RBPJ: variants seen among roughly 807,000 people sequenced by gnomAD.
RBPJ encodes recombining binding protein suppressor of hairless.
RBPJ carries 9 observed loss-of-function variants against 67.8 expected under a neutral mutation model. The ratio of observed to expected loss-of-function variants is 0.13; its 90% CI spans 0.08 to 0.23. The LOEUF (loss-of-function observed/expected upper bound fraction) is 0.23, where lower values mean the gene tolerates loss of function less well. Ranked by LOEUF, RBPJ falls within the 10% of genes least tolerant of loss-of-function variation. The pLI, the probability that RBPJ is intolerant of heterozygous loss-of-function variation, is 1.00. For missense variants in RBPJ, 305 were observed against 595.6 expected, an observed-to-expected ratio of 0.51 and a Z score of 5.08; for synonymous variants, 198 against 203.3, an observed-to-expected ratio of 0.97 and a Z score of 0.22.
intron 1 of RBPJ, among the ~76,000 whole-genome samples, chr4:26,281,273 T>G (rs1403805398): frequency 6.6e-6 from 1 of 152,140 alleles, no homozygotes; most frequent in Non-Finnish European, 1.5e-5. Flanking sequence ...CTGCAGTTTT[T>G]TTGTTTGTTT....
At chr4:26,125,912 T>A in the RBPJ span, among the ~76,000 whole-genome samples, 1 of 152,106 alleles carries the variant, frequency 6.6e-6, no homozygotes, top group Non-Finnish European at 1.5e-5. Context: ...AGAGGCAGCA[T>A]AACAGCTCCT....
chr4:26,326,919 T>C (rs570690393), intron 1 of RBPJ, among the ~76,000 whole-genome samples: 1 of 152,312 alleles, frequency 6.6e-6, no homozygotes, highest in South Asian at 2.1e-4. Context: ...CCTTGAAATA[T>C]GTGCTTTGGC....
chr4:26,407,209 G>A (rs572049246), intron 3 of RBPJ, among the ~76,000 whole-genome samples: 1 of 152,278 alleles, frequency 6.6e-6, no homozygotes, highest in African/African-American at 2.4e-5. Context: ...GTTTTGCAAA[G>A]GAAAAGGCTG....
At chr4:26,187,180 C>T (rs536335456) in intron 1 of RBPJ, among the ~76,000 whole-genome samples, 103 of 152,208 alleles carry the variant, frequency 6.8e-4, no homozygotes, top group Non-Finnish European at 1.2e-3. Flanking sequence ...CATGACTGCG[C>T]TACTGCATTC....
intron 1 of RBPJ, among the ~76,000 whole-genome samples, chr4:26,275,182 T>C (rs1256336200): frequency 6.6e-6 from 1 of 152,188 alleles, no homozygotes; most frequent in African/African-American, 2.4e-5. Flanking sequence ...AGAGGGAAAG[T>C]GAGAGACGGC....
chr4:26,196,255 G>A (rs1717757524), intron 1 of RBPJ, among the ~76,000 whole-genome samples: 1 of 152,170 alleles, frequency 6.6e-6, no homozygotes, highest in Non-Finnish European at 1.5e-5. Flanking sequence ...GTAAGAAAAA[G>A]GAATGAAGTA....
the RBPJ span, among the ~76,000 whole-genome samples, chr4:26,157,098 C>CAAAA: frequency 1.1e-4 from 3 of 26,352 alleles, no homozygotes; most frequent in African/African-American, 2.4e-4. Flanking sequence ...AACAAACAAA[C>CAAAA]AAAAACAAAC....
At chr4:26,382,018 C>T (rs1356709732) in intron 1 of RBPJ, among the ~76,000 whole-genome samples, 1 of 151,982 alleles carries the variant, frequency 6.6e-6, no homozygotes, top group Non-Finnish European at 1.5e-5. Context: ...GTTAAAAGGG[C>T]CCCTAGACAC....
chr4:26,275,091 C>T (rs1413360942), intron 1 of RBPJ, among the ~76,000 whole-genome samples: 1 of 152,096 alleles, frequency 6.6e-6, no homozygotes, highest in Admixed American at 6.5e-5. Context: ...TTGTAATAGA[C>T]TAGTGAGATG....
intron 1 of RBPJ, among the ~76,000 whole-genome samples, chr4:26,226,517 A>T (rs1719080876): frequency 6.6e-6 from 1 of 152,108 alleles, no homozygotes; most frequent in Admixed American, 6.6e-5. Context: ...AAAATTGGGG[A>T]TGGGGAAGGA....
intron 2 of RBPJ, among the ~76,000 whole-genome samples, chr4:26,403,942 C>T (rs1304135577): frequency 6.6e-6 from 1 of 152,104 alleles, no homozygotes; most frequent in Non-Finnish European, 1.5e-5. Context: ...CTGTTTTTAG[C>T]TCTTTGAGGA....
chr4:26,332,751 A>G (rs1399965598), intron 1 of RBPJ, among the ~76,000 whole-genome samples: 6 of 152,146 alleles, frequency 3.9e-5, no homozygotes, highest in Admixed American at 1.3e-4. Context: ...CCTGGACTCA[A>G]TCCTTCCATG....
chr4:26,307,098 C>T (rs1722261724), intron 1 of RBPJ, among the ~76,000 whole-genome samples: 1 of 152,050 alleles, frequency 6.6e-6, no homozygotes, highest in Admixed American at 6.5e-5. Flanking sequence ...TCGTAAATCC[C>T]ACTTCTAGGA....
chr4:26,138,580 C>T, the RBPJ span, among the ~76,000 whole-genome samples: 1 of 152,136 alleles, frequency 6.6e-6, no homozygotes, highest in Non-Finnish European at 1.5e-5. Flanking sequence ...AGTGGTAATC[C>T]CCACCAAACA....
intron 1 of RBPJ, among the ~76,000 whole-genome samples, chr4:26,351,571 G>A (rs1726810431): frequency 1.3e-5 from 2 of 152,138 alleles, no homozygotes; most frequent in South Asian, 4.1e-4. Flanking sequence ...TGTAGAGAGA[G>A]GGTCTCACCA....
At chr4:26,126,712 G>C in the RBPJ span, among the ~76,000 whole-genome samples, 2 of 152,110 alleles carry the variant, frequency 1.3e-5, no homozygotes, top group Admixed American at 6.5e-5. Flanking sequence ...TGGTTCTGTG[G>C]GTTGTGGTCA....
At chr4:26,347,848 G>A (rs917595612) in intron 1 of RBPJ, among the ~76,000 whole-genome samples, 2 of 152,076 alleles carry the variant, frequency 1.3e-5, no homozygotes, top group African/African-American at 4.8e-5. Context: ...TTAAAAGGGG[G>A]TAACTGAAAG....
chr4:26,198,468 A>G (rs945416968), intron 1 of RBPJ, among the ~76,000 whole-genome samples: 1 of 152,172 alleles, frequency 6.6e-6, no homozygotes, highest in Non-Finnish European at 1.5e-5. Context: ...CACTTATTTT[A>G]TGCTGCATAC....
At chr4:26,170,942 G>A (rs1484282087) in intron 1 of RBPJ, among the ~76,000 whole-genome samples, 2 of 152,314 alleles carry the variant, frequency 1.3e-5, no homozygotes, top group East Asian at 1.9e-4. Context: ...TAAAGGCATT[G>A]TACGCAAAGC....
Sources: allele counts gnomAD v4.1 joint callset (sites outside exome capture counted in the v4.1 genomes callset), GRCh38; gene constraint gnomAD v4.1.1; transcripts MANE v1.5; gene names NCBI Gene and HGNC (gene_info 2026-07-23, HGNC 2026-07-21).